The following RNF182 variants were observed in gnomAD, a reference collection of about 807,000 sequenced individuals.
RNF182 encodes the protein E3 ubiquitin-protein ligase RNF182.
Under a neutral mutation model 14.4 loss-of-function variants are expected in RNF182, and 15 were observed. The ratio of observed to expected loss-of-function variants is 1.04; its 90% CI spans 0.70 to 1.60. The LOEUF (loss-of-function observed/expected upper bound fraction) is 1.60, where lower values mean the gene tolerates loss of function less well. Ranked by LOEUF, RNF182 falls within the 40% of genes most tolerant of loss-of-function variation. RNF182 has a pLI of 0.00. For synonymous variants in RNF182, 128 were observed against 122.9 expected (o/e 1.04, Z -0.27); for missense variants, 268 against 294.8 (o/e 0.91, Z 0.67).
intron 1 of RNF182, among the ~76,000 whole-genome samples, chr6:13,959,757 A>G (rs1303146250): frequency 6.6e-6 from 1 of 152,160 alleles, no homozygotes; most frequent in Non-Finnish European, 1.5e-5. Context: ...GCAGGAAACA[A>G]TTTGGTGGTA....
intron 1 of RNF182, among the ~76,000 whole-genome samples, chr6:13,967,687 T>C (rs1374927378): frequency 6.6e-6 from 1 of 152,144 alleles, no homozygotes. Context: ...AAAAAATAAA[T>C]TTTATTTAGA....
chr6:13,977,433 C>A lies in RNF182; in HGVS notation c.314C>A (p.Pro105His). Reference protein sequence around the residue: ...GKGKKCLPENPTELLLTPKRL... With the variant: ...GKGKKCLPENHTELLLTPKRL... ...GGGAAGAAGTGCCTGCCAGAGAACC[C>A]TACTGAGCTGCTGCTCACCCCCAAG... Residue 105 changes from proline to histidine, a missense_variant, in exon 3 of 3, where the codon CCT (proline) becomes CAT (histidine). Transcript: ENST00000488300. The A allele has an allele frequency of 6.2e-7, 1 of 1,614,176 alleles. No homozygotes were observed. Among genetic ancestry groups the A allele is most frequent in the Admixed American group, 1.7e-5 (1 of 60,022 alleles).
chr6:13,978,174 A>T lies in RNF182; in HGVS notation c.*311A>T. On this transcript the variant is annotated 3_prime_UTR_variant, in exon 3 of 3. Coordinates refer to ENST00000488300, the MANE Select transcript of RNF182 (RefSeq NM_152737.4). ...CGGCAGGGGTGTGGTGTGTTATACT[A>T]TAGGGAGAGCATGGATCCCTCCTTT... 7.7e-6 allele frequency: 2 copies of T among 260,500 alleles called. No individual in the cohort carries two copies. Among genetic ancestry groups the T allele is most frequent in the Admixed American group, 9.8e-5 (2 of 20,352 alleles). 16.1% of individuals were successfully genotyped at this position (260,500 alleles called of 1,614,324 possible).
intron 1 of RNF182, among the ~76,000 whole-genome samples, chr6:13,945,948 A>G (rs1344652381): frequency 6.6e-6 from 1 of 152,134 alleles, no homozygotes; most frequent in African/African-American, 2.4e-5. Context: ...AAGGGTGGCT[A>G]TTCCATAGAG....
chr6:13,946,506 A>G (rs1463490942), intron 1 of RNF182, among the ~76,000 whole-genome samples: 2 of 152,154 alleles, frequency 1.3e-5, no homozygotes, highest in Non-Finnish European at 2.9e-5. Flanking sequence ...TGTTCATAAG[A>G]TATCAGGACA....
chr6:13,976,879 TTA>T (rs1561790222), intron 2 of RNF182, 28 bp from the exon 3 acceptor site: 3 of 495,970 alleles, frequency 6.0e-6, no homozygotes, highest in Non-Finnish European at 1.1e-5. Flanking sequence ...GAACTGTTCA[TTA>T]TATTAGAATC....
chr6:13,934,940 G>A (rs1466928918), intron 1 of RNF182, among the ~76,000 whole-genome samples: 2 of 152,172 alleles, frequency 1.3e-5, no homozygotes, highest in Non-Finnish European at 2.9e-5. Context: ...AGGAGAGTCA[G>A]ATGAAATGCG....
chr6:13,956,915 C>G (rs752099090), intron 1 of RNF182, among the ~76,000 whole-genome samples: 10 of 152,018 alleles, frequency 6.6e-5, no homozygotes, highest in Non-Finnish European at 1.5e-5. Context: ...CCACCCCCCG[C>G]CCCCCACCAT....
At chr6:13,939,585 C>T (rs1759234524) in intron 1 of RNF182, among the ~76,000 whole-genome samples, 1 of 150,980 alleles carries the variant, frequency 6.6e-6, no homozygotes, top group African/African-American at 2.4e-5. Flanking sequence ...TCTCTGTTGC[C>T]CACACTGGAG....
At chr6:13,944,724 A>T (rs1365901717) in intron 1 of RNF182, among the ~76,000 whole-genome samples, 1 of 152,202 alleles carries the variant, frequency 6.6e-6, no homozygotes, top group African/African-American at 2.4e-5. Context: ...TACACCTGTG[A>T]GGTCAGTACT....
At chr6:13,965,752 G>A (rs1378335160) in intron 1 of RNF182, among the ~76,000 whole-genome samples, 1 of 152,210 alleles carries the variant, frequency 6.6e-6, no homozygotes, top group East Asian at 1.9e-4. Flanking sequence ...ACGAGACGAT[G>A]AGTATTGCCA....
intron 1 of RNF182, among the ~76,000 whole-genome samples, chr6:13,966,400 C>G (rs1760028774): frequency 6.6e-6 from 1 of 152,074 alleles, no homozygotes; most frequent in South Asian, 2.1e-4. Flanking sequence ...GGTGAATGAA[C>G]TTGGAAAATT....
At chr6:13,933,851 C>T (rs1368239231) in intron 1 of RNF182, among the ~76,000 whole-genome samples, 10 of 152,010 alleles carry the variant, frequency 6.6e-5, no homozygotes, top group Admixed American at 6.6e-4. Flanking sequence ...AACCCCGTCT[C>T]CACTAAAAAT....
chr6:13,953,579 C>G (rs62385921), intron 1 of RNF182, among the ~76,000 whole-genome samples: 20,688 of 151,034 alleles, frequency 0.14, 1,820 homozygotes, highest in Non-Finnish European at 0.2. Flanking sequence ...TGTGAAGCCT[C>G]TGGCTTATAA....
intron 1 of RNF182, among the ~76,000 whole-genome samples, chr6:13,970,183 T>C (rs972777830): frequency 6.6e-6 from 1 of 152,226 alleles, no homozygotes; most frequent in South Asian, 2.1e-4. Context: ...CTTTGAAATA[T>C]ACACATTATT....
intron 1 of RNF182, among the ~76,000 whole-genome samples, chr6:13,934,436 C>T (rs2113584663): frequency 1.3e-5 from 2 of 152,316 alleles, no homozygotes; most frequent in East Asian, 3.9e-4. Flanking sequence ...ATGACATCTG[C>T]TGGGTTTGAA....
chr6:13,961,128 T>C (rs1365678243), intron 1 of RNF182, among the ~76,000 whole-genome samples: 2 of 152,208 alleles, frequency 1.3e-5, no homozygotes, highest in Non-Finnish European at 2.9e-5. Context: ...GCTTATCAGG[T>C]AGCGGAAGTT....
intron 1 of RNF182, among the ~76,000 whole-genome samples, chr6:13,950,208 G>T (rs140327715): frequency 4.7e-4 from 71 of 152,278 alleles, no homozygotes; most frequent in African/African-American, 1.6e-3. Flanking sequence ...GTGAGTGAGC[G>T]ATTTTAACCT....
chr6:13,955,700 A>C (rs1025565373), intron 1 of RNF182, among the ~76,000 whole-genome samples: 1 of 152,074 alleles, frequency 6.6e-6, no homozygotes, highest in Admixed American at 6.6e-5. Flanking sequence ...TGTTATTGTA[A>C]ATTGTATGAG....
Sources: gnomAD v4.1 joint callset for allele counts (sites outside exome capture counted in the v4.1 genomes callset) on GRCh38, gnomAD v4.1.1 for gene constraint, MANE v1.5 for transcripts, NCBI Gene and HGNC (gene_info 2026-07-23, HGNC 2026-07-21) for gene names.